PSMD9: variants seen among roughly 807,000 people sequenced by gnomAD.
PSMD9 encodes the protein proteasome 26S subunit, non-ATPase 9.
In PSMD9, 26 loss-of-function variants were observed where a neutral mutation model predicts 25.9. The ratio of observed to expected loss-of-function variants is 1.00; its 90% CI spans 0.73 to 1.39. The LOEUF is 1.39. PSMD9 is among the 40% of genes most tolerant of loss of function. The pLI is 0.00. For missense variants in PSMD9, 303 were observed against 299.3 expected (o/e 1.01, Z -0.09); for synonymous variants, 110 against 114.5 (o/e 0.96, Z 0.25).
chr12:121,894,784 T>C lies in PSMD9; in HGVS notation c.184T>C (p.Tyr62His). ...MNEPLVDCEG[Y>H]PRSDVDLYQV... ...CGAGCCGCTGGTGGACTGTGAGGGC[T>C]ACCCCCGGTCAGACGTGGACCTGTA... The change falls in exon 2 of 6, where the codon TAC becomes CAC. Residue 62 changes from tyrosine to histidine, a missense_variant. Coordinates refer to ENST00000541212, the MANE Select transcript of PSMD9 (RefSeq NM_002813.7). The C allele has an allele frequency of 6.2e-7, 1 of 1,614,134 alleles. No individual in the cohort carries two copies. Among genetic ancestry groups the C allele is most frequent in the Non-Finnish European group, 8.5e-7 (1 of 1,180,032 alleles).
At chr12:121,891,482 C>CCCAGCTA (rs770574226) in intron 1 of PSMD9, among the ~76,000 whole-genome samples, 56 of 151,636 alleles carry the variant, frequency 3.7e-4, no homozygotes, top group Non-Finnish European at 7.7e-4. Flanking sequence ...CGCCTGTAGT[C>CCCAGCTA]CCAGCTACTC....
intron 4 of PSMD9, among the ~76,000 whole-genome samples, chr12:121,912,092 T>G: frequency 6.6e-6 from 1 of 151,672 alleles, no homozygotes; most frequent in East Asian, 1.9e-4. Flanking sequence ...AAGGCTGGAG[T>G]GCAGTGGTGT....
chr12:121,916,219 T>G (rs375242237), intron 5 of PSMD9, 65 bp from the exon 6 acceptor site: 450 of 1,581,894 alleles, frequency 2.8e-4, no homozygotes, highest in Non-Finnish European at 3.7e-4. Context: ...TCAGAAGGGC[T>G]CAGCCTCTGA....
chr12:121,908,096 A>G (rs1879613058), intron 4 of PSMD9: 1 of 152,138 alleles, frequency 6.6e-6, no homozygotes, highest in Admixed American at 6.6e-5. Context: ...TTTACAAACA[A>G]AAGTCCTAGT....
intron 2 of PSMD9, among the ~76,000 whole-genome samples, chr12:121,896,644 C>T (rs1879237566): frequency 6.6e-6 from 1 of 151,924 alleles, no homozygotes; most frequent in Non-Finnish European, 1.5e-5. Flanking sequence ...CGAGACCAGC[C>T]TGACCAACAT....
intron 3 of PSMD9, among the ~76,000 whole-genome samples, chr12:121,901,429 A>G (rs56177852): frequency 0.25 from 37,653 of 151,864 alleles, 5,909 homozygotes; most frequent in East Asian, 0.51. Flanking sequence ...GCTCACTGCA[A>G]CCTCAAACTC....
In PSMD9 at chr12:121,889,070, C is replaced by T. The variant is rs981349586; in HGVS notation, c.138+76C>T. 1.5e-5 allele frequency: 23 copies of T among 1,514,170 alleles called. No individual in the cohort carries two copies. The African/African-American group carries it at 3.0e-4, about 20-fold the overall frequency. The allele number at this position is 1,514,170 out of a possible 1,614,324, so 93.8% of individuals were successfully genotyped here. A position where few individuals can be genotyped will look rare whatever the true frequency, so the allele number is the denominator to read the frequency against. ...CTGGGGTACTGGGATGCCAGGGCGG[C>T]CTCAGTTTGGGCGCTCCGCAACGGA... is the stretch of plus-strand genomic sequence containing the variant. On this transcript the variant is annotated intron_variant, in intron 1 of 5. Transcript: ENST00000541212.
intron 4 of PSMD9, among the ~76,000 whole-genome samples, chr12:121,907,688 A>G (rs1879600742): frequency 6.6e-6 from 1 of 152,152 alleles, no homozygotes; most frequent in African/African-American, 2.4e-5. Flanking sequence ...ATATACTAAA[A>G]CTCACTTAAT....
intron 4 of PSMD9, among the ~76,000 whole-genome samples, chr12:121,911,995 G>A (rs902256100): frequency 1.3e-5 from 2 of 149,750 alleles, no homozygotes; most frequent in African/African-American, 2.5e-5. Flanking sequence ...CAGGTTTCTG[G>A]AATGAGCTTG....
In PSMD9 at chr12:121,915,630, T is replaced by C. The variant is rs140353717; in HGVS notation, c.556-226T>C. 1.4e-3 allele frequency: 765 copies of C among 528,192 alleles called. 1 individual carries two copies. Among genetic ancestry groups the C allele is most frequent in the Non-Finnish European group, 2.0e-3 (598 of 298,658 alleles). The allele number at this position is 528,192 out of a possible 1,614,324, so 32.7% of individuals were successfully genotyped here. On this transcript the variant is annotated intron_variant, in intron 4 of 5. Transcript: ENST00000541212. ...CCTTGGATGTACCTTTTAAAGATCG[T>C]TGGTGGTGGGACACGTGTTTTTTGA... is the stretch of plus-strand genomic sequence containing the variant.
intron 4 of PSMD9, among the ~76,000 whole-genome samples, chr12:121,912,035 T>G (rs1879739651): frequency 6.7e-6 from 1 of 149,380 alleles, no homozygotes; most frequent in Admixed American, 6.7e-5. Context: ...ATTTATTTAT[T>G]TATTTATTTA....
In PSMD9 at chr12:121,888,807, C is replaced by A. The variant is rs1184899344; in HGVS notation, c.-50C>A. 1.3e-6 allele frequency: 2 copies of A among 1,568,572 alleles called. No homozygotes were observed. The highest frequency in any genetic ancestry group is 1.2e-5 in the South Asian group (1 of 85,872). ...CCGTAGTTACGGTCGACTGGGGCGT[C>A]GTCCCTAGCCCGGGAGCCGGGTCTC... On this transcript the variant is annotated 5_prime_UTR_variant, in exon 1 of 6. Coordinates refer to ENST00000541212, the MANE Select transcript of PSMD9 (RefSeq NM_002813.7).
At chr12:121,910,651 T>G (rs1322118861) in intron 4 of PSMD9, among the ~76,000 whole-genome samples, 1 of 150,926 alleles carries the variant, frequency 6.6e-6, no homozygotes, top group African/African-American at 2.4e-5. Context: ...TCCCAGTTAC[T>G]CTGGAGGCTG....
At chr12:121,889,996 C>T (rs1015445708) in intron 1 of PSMD9, among the ~76,000 whole-genome samples, 16 of 152,240 alleles carry the variant, frequency 1.1e-4, no homozygotes, top group Non-Finnish European at 2.1e-4. Context: ...CGGCTCACTG[C>T]AGCCTCTGCC....
At chr12:121,901,004 AAAAG>A in intron 3 of PSMD9, among the ~76,000 whole-genome samples, 2 of 151,228 alleles carry the variant, frequency 1.3e-5, no homozygotes, top group African/African-American at 2.4e-5. Flanking sequence ...AAAAAAAAAA[AAAAG>A]GAGATGGGGT....
intron 4 of PSMD9, chr12:121,914,731 G>A (rs508395): frequency 0.3 from 45,320 of 151,528 alleles, 7,080 homozygotes; most frequent in East Asian, 0.5. Context: ...CTGCATGCCT[G>A]TAGTCCCAGC....
Position 121,903,075 on chromosome 12 carries a change from A to G in PSMD9, c.523A>G (p.Asn175Asp). 1 of 1,614,034 alleles carries G rather than the reference A, an allele frequency of 6.2e-7. No homozygotes were observed. Among genetic ancestry groups the G allele is most frequent in the South Asian group, 1.1e-5 (1 of 91,076 alleles). ...CACCCAGAACTTCCAGTCACTGCAT[A>G]ACATTGGCAGTGTGGTGCAGCACAG... ...VNTQNFQSLH[N>D]IGSVVQHSEG... is the part of the protein sequence containing the mutation. Residue 175 changes from asparagine (N) to aspartate (D), a missense_variant, in exon 4 of 6, where the codon AAC (asparagine) becomes GAC (aspartate). Physicochemically the swap from Asn to Asp is conservative, Grantham distance 23. Coordinates refer to ENST00000541212, the MANE Select transcript of PSMD9 (RefSeq NM_002813.7).
Position 121,894,833 on chromosome 12 carries a change from A to G in PSMD9, c.233A>G (p.Asn78Ser), listed in dbSNP as rs1208160409. 14 of 1,613,218 alleles carry G rather than the reference A, an allele frequency of 8.7e-6. No homozygotes were observed. The highest frequency in any genetic ancestry group is 6.6e-5 in the South Asian group (6 of 90,888). The change falls in exon 2 of 6, where the codon AAC (asparagine) becomes AGC (serine). Residue 78 changes from asparagine (N) to serine (S), a missense_variant. Physicochemically the swap from Asn to Ser is conservative, Grantham distance 46. Transcript: ENST00000541212. ...TACCAAGTCCGCACCGCCAGGCACA[A>G]CATCATATGTGAGTGGCCCTCTTAG... ...DLYQVRTARH[N>S]IICLQNDHKA...
At chr12:121,912,435 G>A (rs1427319886) in intron 4 of PSMD9, among the ~76,000 whole-genome samples, 2 of 152,048 alleles carry the variant, frequency 1.3e-5, no homozygotes, top group African/African-American at 2.4e-5. Context: ...CCGCTTCCTC[G>A]CCAGCACTTG....
Sources: allele counts gnomAD v4.1 joint callset (sites outside exome capture counted in the v4.1 genomes callset), GRCh38; gene constraint gnomAD v4.1.1; transcripts MANE v1.5; gene names NCBI Gene and HGNC (gene_info 2026-07-23, HGNC 2026-07-21).